The following MRPL48 variants were observed in gnomAD, a reference collection of about 807,000 sequenced individuals.
The protein encoded by MRPL48 is mitochondrial ribosomal protein L48, also known as large ribosomal subunit protein mL48.
Under a neutral mutation model 32.9 loss-of-function variants are expected in MRPL48, and 16 were observed. The observed-to-expected ratio is 0.49, with a 90% CI of 0.33 to 0.74. The LOEUF is 0.74. MRPL48 is among the 30% of genes least tolerant of loss of function. MRPL48 has a pLI of 0.02. For synonymous variants in MRPL48, 94 were observed against 89.2 expected (o/e 1.05, Z -0.31); for missense variants, 206 against 245.3 (o/e 0.84, Z 1.07).
chr11:73,798,400 A>G (rs1235286337), intron 1 of MRPL48, among the ~76,000 whole-genome samples: 1 of 152,098 alleles, frequency 6.6e-6, no homozygotes, highest in Non-Finnish European at 1.5e-5. Flanking sequence ...GGCCAACAAA[A>G]ACAATTTTTA....
intron 3 of MRPL48, among the ~76,000 whole-genome samples, chr11:73,814,419 G>T (rs1420894943): frequency 6.6e-6 from 1 of 151,916 alleles, no homozygotes; most frequent in Non-Finnish European, 1.5e-5. Context: ...GTGAGGTGGG[G>T]CACGGTGGCT....
intron 3 of MRPL48, chr11:73,823,186 T>G (rs945928360): frequency 8.4e-6 from 2 of 237,554 alleles, no homozygotes; most frequent in African/African-American, 2.3e-5. Flanking sequence ...TCCTCACATC[T>G]GTGGAAAAAT....
At chr11:73,832,607 A>G in intron 4 of MRPL48, 1 of 158,776 alleles carries the variant, frequency 6.3e-6, no homozygotes. Context: ...GGAAGGGGAC[A>G]CCCGCCTAGC....
intron 4 of MRPL48, chr11:73,842,628 G>A (rs2444603): frequency 0.51 from 78,074 of 151,772 alleles, 21,375 homozygotes; most frequent in African/African-American, 0.72. Context: ...GCACACCACC[G>A]TGCCCAGCTA....
chr11:73,810,518 A>G (rs1947546231), intron 3 of MRPL48, among the ~76,000 whole-genome samples: 1 of 151,520 alleles, frequency 6.6e-6, no homozygotes, highest in Non-Finnish European at 1.5e-5. Context: ...CGAAACTCTG[A>G]CTCAAAAAAG....
chr11:73,826,774 CT>C (rs71065041), intron 4 of MRPL48, among the ~76,000 whole-genome samples: 4,501 of 108,884 alleles, frequency 0.041, 65 homozygotes, highest in Middle Eastern at 0.12. Context: ...ACTGTATTTT[CT>C]TTTTTTTTTT....
At chr11:73,844,310 C>T (rs958842519) in intron 4 of MRPL48, among the ~76,000 whole-genome samples, 22 of 150,998 alleles carry the variant, frequency 1.5e-4, no homozygotes, top group African/African-American at 5.1e-4. Context: ...GTGCGCCTGT[C>T]GTCCCAGCTA....
At chr11:73,836,255 A>G (rs1156442150) in intron 4 of MRPL48, among the ~76,000 whole-genome samples, 1 of 152,008 alleles carries the variant, frequency 6.6e-6, no homozygotes, top group East Asian at 1.9e-4. Context: ...AGTAGCTGGG[A>G]CTACAGGCGC....
chr11:73,795,078 AT>A (rs1161177251), intron 1 of MRPL48, among the ~76,000 whole-genome samples: 26 of 150,910 alleles, frequency 1.7e-4, no homozygotes, highest in Admixed American at 3.3e-4. Flanking sequence ...CACCCAGCTA[AT>A]TTTTTTGTAT....
At position 73,855,193 on chromosome 11, in the gene MRPL48, T is replaced by G. The variant is rs61177720; in HGVS notation, c.372-4714T>G. On this transcript the variant is annotated intron_variant, in intron 5 of 7. Coordinates refer to ENST00000310614, the MANE Select transcript of MRPL48 (RefSeq NM_016055.6). ...CCTACTTTTTTTCCTAATTCTCTAT[T>G]CTTCTAACCGGTTCTCCACACAGCA... is the stretch of plus-strand genomic sequence containing the variant. Among the ~76,000 whole-genome samples, 547 of 152,146 alleles carry G rather than the reference T, an allele frequency of 3.6e-3. 3 individuals carry two copies. The highest frequency in any genetic ancestry group is 0.012 in the African/African-American group (518 of 41,514).
intron 3 of MRPL48, among the ~76,000 whole-genome samples, chr11:73,822,294 C>G (rs571960953): frequency 2.0e-5 from 3 of 152,286 alleles, no homozygotes; most frequent in African/African-American, 7.2e-5. Flanking sequence ...CCTGCACCCC[C>G]ACCCCAAAGG....
chr11:73,838,148 G>A (rs1432555075), intron 4 of MRPL48, among the ~76,000 whole-genome samples: 3 of 152,128 alleles, frequency 2.0e-5, no homozygotes, highest in Non-Finnish European at 2.9e-5. Context: ...CTCCACTCCT[G>A]GCCCACAGAT....
At chr11:73,814,493 G>C (rs1280093792) in intron 3 of MRPL48, among the ~76,000 whole-genome samples, 1 of 150,156 alleles carries the variant, frequency 6.7e-6, no homozygotes, top group Admixed American at 6.7e-5. Context: ...TCAGGAGTTC[G>C]AGACCAGCCT....
chr11:73,831,683 A>G (rs1172858719), intron 4 of MRPL48, among the ~76,000 whole-genome samples: 1 of 152,060 alleles, frequency 6.6e-6, no homozygotes, highest in Non-Finnish European at 1.5e-5. Flanking sequence ...GCTCATGCCT[A>G]TAATCCCAGC....
intron 5 of MRPL48, chr11:73,851,111 T>C: frequency 2.1e-6 from 1 of 481,644 alleles, no homozygotes; most frequent in Non-Finnish European, 4.2e-6. Flanking sequence ...GTTTAATTTA[T>C]ATACTATTTT....
intron 5 of MRPL48, among the ~76,000 whole-genome samples, chr11:73,848,389 C>A (rs1182728490): frequency 6.6e-6 from 1 of 151,288 alleles, no homozygotes; most frequent in Non-Finnish European, 1.5e-5. Flanking sequence ...TAACTTTGTT[C>A]TTCTTTTTCA....
At chr11:73,812,309 T>C (rs1184857370) in intron 3 of MRPL48, among the ~76,000 whole-genome samples, 3 of 152,242 alleles carry the variant, frequency 2.0e-5, no homozygotes, top group African/African-American at 7.2e-5. Flanking sequence ...ATCTTAATGC[T>C]GGACATTTAG....
At chr11:73,806,214 A>G (rs11235911) in intron 2 of MRPL48, among the ~76,000 whole-genome samples, 21,655 of 152,042 alleles carry the variant, frequency 0.14, 1,613 homozygotes, top group African/African-American at 0.16. Context: ...GTGGTATCCC[A>G]TCTTACTCAA....
Position 73,864,783 on chromosome 11 carries a change from A to AC in MRPL48, c.*415dup, listed in dbSNP as rs1948642333. On this transcript the variant is annotated 3_prime_UTR_variant, in exon 8 of 8. Transcript: ENST00000310614. ...ACCAGCCTGGCAACATTCTGTCTTT[A>AC]CCAAAAACATTCTTTTTTTTTTTTC... The AC allele has an allele frequency of 1.1e-5, 2 of 183,934 alleles. No individual in the cohort carries two copies. The highest frequency in any genetic ancestry group is 2.3e-5 in the Non-Finnish European group (2 of 87,470). The allele number at this position is 183,934 out of a possible 1,614,324, so 11.4% of individuals were successfully genotyped here.
Sources: gnomAD v4.1 joint callset for allele counts (sites outside exome capture counted in the v4.1 genomes callset) on GRCh38, gnomAD v4.1.1 for gene constraint, MANE v1.5 for transcripts, NCBI Gene and HGNC (gene_info 2026-07-23, HGNC 2026-07-21) for gene names.